The following CYP19A1 variants were observed in gnomAD, a reference collection of about 807,000 sequenced individuals.
CYP19A1 encodes cytochrome P450 family 19 subfamily A member 1, also known as aromatase.
Under a neutral mutation model 44.4 loss-of-function variants are expected in CYP19A1, and 32 were observed. The observed-to-expected ratio is 0.72, with a 90% CI of 0.54 to 0.97. CYP19A1 has a LOEUF of 0.97. Ranked by LOEUF, CYP19A1 falls within the 50% of genes least tolerant of loss-of-function variation. CYP19A1 has a pLI of 0.00. For synonymous variants in CYP19A1, 212 were observed against 215.6 expected (o/e 0.98, Z 0.14); for missense variants, 598 against 637.8 (o/e 0.94, Z 0.67).
intron 2 of CYP19A1, among the ~76,000 whole-genome samples, chr15:51,239,062 G>A (rs1168050030): frequency 6.6e-6 from 1 of 152,226 alleles, no homozygotes; most frequent in Non-Finnish European, 1.5e-5. Context: ...AATGCTGGAG[G>A]AAGGTAGAAA....
chr15:51,325,232 C>G (rs754735571), intron 1 of CYP19A1, among the ~76,000 whole-genome samples: 1 of 152,118 alleles, frequency 6.6e-6, no homozygotes, highest in Non-Finnish European at 1.5e-5. Flanking sequence ...CAAGTTGCTA[C>G]AGGGTGAAGC....
intron 1 of CYP19A1, among the ~76,000 whole-genome samples, chr15:51,299,615 G>A (rs898602397): frequency 3.9e-5 from 6 of 152,216 alleles, no homozygotes; most frequent in African/African-American, 1.4e-4. Context: ...AAGGCCATGA[G>A]GAGTGTTTTC....
intron 1 of CYP19A1, among the ~76,000 whole-genome samples, chr15:51,283,118 T>C (rs2035582813): frequency 6.6e-6 from 1 of 151,838 alleles, no homozygotes; most frequent in South Asian, 2.1e-4. Flanking sequence ...TTCAAACAGA[T>C]GATGAGGTAG....
At chr15:51,323,752 T>A (rs1368679978) in intron 1 of CYP19A1, 1 of 152,176 alleles carries the variant, frequency 6.6e-6, no homozygotes, top group Non-Finnish European at 1.5e-5. Context: ...GAGGGAGGGA[T>A]GTACACCGGC....
intron 1 of CYP19A1, among the ~76,000 whole-genome samples, chr15:51,258,984 T>C (rs1440111996): frequency 6.6e-6 from 1 of 152,186 alleles, no homozygotes; most frequent in East Asian, 1.9e-4. Context: ...GGTTCAGTGT[T>C]GCCCCCATCC....
chr15:51,214,349 G>A (rs1387174785), intron 8 of CYP19A1, among the ~76,000 whole-genome samples: 3 of 152,206 alleles, frequency 2.0e-5, no homozygotes, highest in Non-Finnish European at 4.4e-5. Flanking sequence ...AGACAGAGTA[G>A]TGAGGCGGTA....
intron 1 of CYP19A1, among the ~76,000 whole-genome samples, chr15:51,295,887 C>T (rs2035985301): frequency 1.3e-5 from 2 of 152,088 alleles, no homozygotes; most frequent in South Asian, 4.1e-4. Context: ...GTGACACAGT[C>T]AAATGTGGCC....
chr15:51,210,130 A>C lies in CYP19A1; in HGVS notation c.*678T>G. On this transcript the variant is annotated 3_prime_UTR_variant, in exon 10 of 10. Transcript: ENST00000396402. ...TGTATTACCTGAATCTACAGGTAACACAATGAATTGTAGCACAGGCAAGTG... is the reference window on the plus strand; with the variant it reads ...TGTATTACCTGAATCTACAGGTAACCCAATGAATTGTAGCACAGGCAAGTG... The C allele has an allele frequency of 2.9e-6, 1 of 345,212 alleles. No individual in the cohort carries two copies. The highest frequency in any genetic ancestry group is 5.7e-6 in the Non-Finnish European group (1 of 176,756). The allele number at this position is 345,212 out of a possible 1,614,324, so 21.4% of individuals were successfully genotyped here. A position where few individuals can be genotyped will look rare whatever the true frequency, so the allele number is the denominator to read the frequency against.
intron 1 of CYP19A1, among the ~76,000 whole-genome samples, chr15:51,297,099 T>C (rs982372017): frequency 2.6e-5 from 4 of 152,170 alleles, no homozygotes; most frequent in Non-Finnish European, 5.9e-5. Context: ...GAGACACCAA[T>C]GAACAGGTTT....
At chr15:51,304,427 T>C (rs2036173842) in intron 1 of CYP19A1, among the ~76,000 whole-genome samples, 1 of 152,208 alleles carries the variant, frequency 6.6e-6, no homozygotes, top group Non-Finnish European at 1.5e-5. Flanking sequence ...TAATACATGC[T>C]GTAAAGTGTG....
chr15:51,223,923 G>A (rs906988843), intron 4 of CYP19A1, among the ~76,000 whole-genome samples: 3 of 152,150 alleles, frequency 2.0e-5, no homozygotes, highest in Non-Finnish European at 4.4e-5. Flanking sequence ...TGCATGATTT[G>A]CCTCTGTGTT....
intron 1 of CYP19A1, among the ~76,000 whole-genome samples, chr15:51,332,533 T>C (rs17602385): frequency 0.048 from 7,316 of 152,336 alleles, 218 homozygotes; most frequent in Non-Finnish European, 0.064. Context: ...TGACGATGTG[T>C]TGTAAGGCTC....
intron 1 of CYP19A1, among the ~76,000 whole-genome samples, chr15:51,275,156 A>G (rs2035262197): frequency 6.6e-6 from 1 of 152,236 alleles, no homozygotes. Context: ...TCACACAGAA[A>G]GGGAACCTCA....
intron 8 of CYP19A1, 92 bp downstream of exon 8, chr15:51,214,978 T>G (rs1444760377): frequency 2.0e-5 from 30 of 1,525,508 alleles, no homozygotes; most frequent in Non-Finnish European, 2.4e-5. Flanking sequence ...TATAAAAAAT[T>G]TCATGTTTGA....
chr15:51,234,408 G>A (rs966349783), intron 3 of CYP19A1, among the ~76,000 whole-genome samples: 1 of 152,182 alleles, frequency 6.6e-6, no homozygotes, highest in African/African-American at 2.4e-5. Context: ...GGTCGGGGTT[G>A]TTGGAGTCAG....
At chr15:51,224,244 A>C (rs2032387333) in intron 4 of CYP19A1, among the ~76,000 whole-genome samples, 2 of 152,156 alleles carry the variant, frequency 1.3e-5, no homozygotes. Context: ...CAATACTTTC[A>C]TTAATGTTAC....
intron 1 of CYP19A1, among the ~76,000 whole-genome samples, chr15:51,245,542 GCTT>G (rs1465675276): frequency 6.6e-6 from 1 of 152,136 alleles, no homozygotes; most frequent in Admixed American, 6.5e-5. Flanking sequence ...AAACTAAAGA[GCTT>G]CTGCACAGCA....
rs2031108939 is a variant in CYP19A1, at chr15:51,212,477, A to G, written c.1106T>C (p.Val369Ala). 3 of 1,604,144 alleles carry G rather than the reference A, an allele frequency of 1.9e-6. No individual in the cohort carries two copies. Among genetic ancestry groups the G allele is most frequent in the Non-Finnish European group, 2.6e-6 (3 of 1,170,868 alleles). The part of the protein sequence containing the change: ...FIYESMRYQP[V>A]VDLVMRKALE... ...GGCTTTGCGCATGACCAAGTCCACG[A>G]CAGGCTGGTACCGCATGCTCTCATA... The change falls in exon 9 of 10, where the codon GTC becomes GCC. Residue 369 changes from valine (V) to alanine (A), a missense_variant. By Grantham distance (64) the Val-to-Ala change is moderately conservative. Transcript: ENST00000396402.
Position 51,306,968 on chromosome 15 carries a change from A to T in CYP19A1, c.-39+31527T>A, listed in dbSNP as rs1383156424. On this transcript the variant is annotated intron_variant, in intron 1 of 9. Coordinates refer to ENST00000396402, the MANE Select transcript of CYP19A1 (RefSeq NM_000103.4). ...AGGGTCTAGACATATTGATGATAAT[A>T]AGTAAACCAGATAATGGCAAGCCAG... Among the ~76,000 whole-genome samples the T allele has an allele frequency of 2.6e-5, 4 of 152,374 alleles. No homozygotes were observed. In the East Asian group the frequency reaches 7.7e-4, roughly 29 times the overall value.
Sources: allele counts gnomAD v4.1 joint callset (sites outside exome capture counted in the v4.1 genomes callset), GRCh38; gene constraint gnomAD v4.1.1; transcripts MANE v1.5; gene names NCBI Gene and HGNC (gene_info 2026-07-23, HGNC 2026-07-21).